Variants in AHRR observed in about 807,000 individuals in gnomAD.
AHRR encodes aryl hydrocarbon receptor repressor, also known as ahR repressor.
Under a neutral mutation model 44.0 loss-of-function variants are expected in AHRR, and 28 were observed. That is an observed-to-expected ratio of 0.64 (90% CI 0.47 to 0.87). The LOEUF (loss-of-function observed/expected upper bound fraction) is 0.87, where lower values mean the gene tolerates loss of function less well. AHRR is among the 40% of genes least tolerant of loss of function. The probability of loss-of-function intolerance (pLI) is 0.00; values close to 1 mark genes in which losing one functional copy is unlikely to be tolerated. For missense variants in AHRR, 990 were observed against 953.9 expected (o/e 1.04, Z -0.50); for synonymous variants, 434 against 407.0 (o/e 1.07, Z -0.80).
At chr5:353,226 G>A (rs141043850) in intron 2 of AHRR, among the ~76,000 whole-genome samples, 9 of 152,182 alleles carry the variant, frequency 5.9e-5, no homozygotes, top group Non-Finnish European at 8.8e-5. Context: ...AACCAAGCTC[G>A]GAGCGGCCTT....
Position 328,606 on chromosome 5 carries a change from T to C in AHRR, c.-11+6787T>C, listed in dbSNP as rs566276546. ...GTAAGATGATATCTCATTGTTGTTT[T>C]ATTTTGCATTTCTCTGATGATTAGT... On this transcript the variant is annotated intron_variant, in intron 1 of 10. Coordinates refer to ENST00000684583, the MANE Select transcript of AHRR (RefSeq NM_001377236.1). Among the ~76,000 whole-genome samples the C allele has an allele frequency of 2.6e-5, 4 of 152,304 alleles. 1 individual carries two copies. The highest frequency in any genetic ancestry group is 9.6e-5 in the African/African-American group (4 of 41,572).
rs924059885 is a variant in AHRR at position 406,260 on chromosome 5, G to A, written c.352-7084G>A. ...CTTCCAGCCAGTGGCTCTGTGAGCCGCCTCTTGTCTGCATTTCTTGCAGGA... is the reference window on the plus strand; with the variant it reads ...CTTCCAGCCAGTGGCTCTGTGAGCCACCTCTTGTCTGCATTTCTTGCAGGA... On this transcript the variant is annotated intron_variant, in intron 4 of 10. Transcript: ENST00000684583. The surrounding 1 kb of genome is among the most constrained non-coding windows in gnomAD (Gnocchi z 4.7). Among the ~76,000 whole-genome samples, 6 of 152,160 alleles carry A rather than the reference G, an allele frequency of 3.9e-5. No individual in the cohort carries two copies. Among genetic ancestry groups the A allele is most frequent in the Non-Finnish European group, 7.3e-5 (5 of 68,030 alleles).
intron 4 of AHRR, among the ~76,000 whole-genome samples, chr5:381,681 AC>A (rs1227999868): frequency 2.1e-4 from 29 of 138,146 alleles, no homozygotes; most frequent in South Asian, 4.7e-4. Context: ...TGCCCAGCTA[AC>A]TTTTTGTATT....
At chr5:428,834 C>T (rs1736586892) in intron 8 of AHRR, among the ~76,000 whole-genome samples, 1 of 152,234 alleles carries the variant, frequency 6.6e-6, no homozygotes, top group Admixed American at 6.5e-5. Flanking sequence ...GAGCTCGAAC[C>T]TAGGGCTCTC....
intron 4 of AHRR, among the ~76,000 whole-genome samples, chr5:402,661 C>T (rs571891561): frequency 1.3e-5 from 2 of 151,504 alleles, no homozygotes; most frequent in East Asian, 1.9e-4. Flanking sequence ...AACGCAGCAG[C>T]CCCCCTGCTG....
chr5:391,318 C>T (rs1021724952), intron 4 of AHRR, among the ~76,000 whole-genome samples: 6 of 144,022 alleles, frequency 4.2e-5, no homozygotes, highest in Admixed American at 2.7e-4. Context: ...TGGGCCAGAG[C>T]GTGCACGGGC....
intron 4 of AHRR, among the ~76,000 whole-genome samples, chr5:407,059 G>A (rs115921703): frequency 3.5e-4 from 53 of 152,252 alleles, no homozygotes; most frequent in South Asian, 6.2e-4. Context: ...CTGTTCATGC[G>A]CCATGATTTA....
intron 3 of AHRR, among the ~76,000 whole-genome samples, chr5:367,287 C>T (rs892876942): frequency 9.2e-5 from 14 of 152,164 alleles, no homozygotes; most frequent in African/African-American, 3.4e-4. Context: ...GGGCCCTCAG[C>T]GTAGCCAGAT....
chr5:406,423 G>T lies in AHRR; in HGVS notation c.352-6921G>T, dbSNP rs1735263360. Reference sequence around the variant, plus strand: ...CTGGGAGGCAAACATTTTTGTGTGAGCTAGCTACTCTGAACATAATCATAA... The same window carrying T: ...CTGGGAGGCAAACATTTTTGTGTGATCTAGCTACTCTGAACATAATCATAA... On this transcript the variant is annotated intron_variant, in intron 4 of 10. Coordinates refer to ENST00000684583, the MANE Select transcript of AHRR (RefSeq NM_001377236.1). This position sits in a 1 kb window ranked among gnomAD's most constrained non-coding sequence, Gnocchi z 4.7. Among the ~76,000 whole-genome samples, 1 of 152,230 alleles carries T rather than the reference G, an allele frequency of 6.6e-6. No homozygotes were observed. Among genetic ancestry groups the T allele is most frequent in the South Asian group, 2.1e-4 (1 of 4,836 alleles).
At chr5:350,130 A>C (rs1405238904) in intron 2 of AHRR, among the ~76,000 whole-genome samples, 1 of 152,214 alleles carries the variant, frequency 6.6e-6, no homozygotes, top group African/African-American at 2.4e-5. Context: ...TTTTAGAATC[A>C]GCTTGTCAAT....
At chr5:344,090 C>T in intron 2 of AHRR, 126 bp downstream of exon 2, 6 of 1,034,716 alleles carry the variant, frequency 5.8e-6, no homozygotes, top group Non-Finnish European at 6.8e-6. Context: ...CCGGGCGGGC[C>T]GGGGCTGAGC....
Position 432,518 on chromosome 5 carries a change from T to C in AHRR, c.964T>C (p.Ser322Pro). 1 of 1,614,044 alleles carries C rather than the reference T, an allele frequency of 6.2e-7. No individual in the cohort carries two copies. The highest frequency in any genetic ancestry group is 8.5e-7 in the Non-Finnish European group (1 of 1,179,888). Residue 322 changes from serine (S) to proline (P), a missense_variant, in exon 9 of 11, where the codon TCA becomes CCA. Physicochemically the swap from Ser to Pro is moderately conservative, Grantham distance 74. Transcript: ENST00000684583. ...GGAACTGCATGGAAAACCCAATTACTCAGCAGGTACTTAGAACATTTCTTA... is the reference window on the plus strand; with the variant it reads ...GGAACTGCATGGAAAACCCAATTACCCAGCAGGTACTTAGAACATTTCTTA... ...ESELHGKPNY[S>P]AGRSSRESGV...
In AHRR at chr5:434,831, A is replaced by G. The variant is rs1174399965; in HGVS notation, c.2091A>G (p.Pro697=). The G allele has an allele frequency of 1.7e-5, 27 of 1,544,312 alleles. No homozygotes were observed. Among genetic ancestry groups the G allele is most frequent in the Non-Finnish European group, 2.3e-5 (26 of 1,141,790 alleles). The change falls in exon 11 of 11, where the codon CCA becomes CCG. Residue 697 remains proline (P), a synonymous_variant. Transcript: ENST00000684583. Reference sequence around the variant, plus strand: ...AAGCTTCGGGGTGCACATTCCTGCCATAGCGCAGTGACCACCATCCAAGCT... The same window carrying G: ...AAGCTTCGGGGTGCACATTCCTGCCGTAGCGCAGTGACCACCATCCAAGCT... ...PPQASGCTFL[P] is the part of the protein sequence containing the mutation.
chr5:349,042 A>T (rs1742771250), intron 2 of AHRR, among the ~76,000 whole-genome samples: 2 of 152,154 alleles, frequency 1.3e-5, no homozygotes, highest in African/African-American at 2.4e-5. Flanking sequence ...CAGAGTTTTA[A>T]TGTGCATTTC....
chr5:324,888 G>T (rs6863730), intron 1 of AHRR, among the ~76,000 whole-genome samples: 24,469 of 152,142 alleles, frequency 0.16, 4,242 homozygotes, highest in African/African-American at 0.44. Context: ...GGATTTCCTC[G>T]GGGCCCCTCC....
In AHRR at chr5:343,911, G is replaced by A. The variant is rs201384135; in HGVS notation, c.9G>A (p.Pro3=). 1,282 of 1,600,732 alleles carry A rather than the reference G, an allele frequency of 8.0e-4. 18 individuals carry two copies. The East Asian group carries it at 0.023, about 29-fold the overall frequency. MI[P]PGECTYAGRK... ...CTTCCAGGCCGAGGACGATGATCCCGCCGGGGGAGTGCACGTACGCGGGCC... is the reference window on the plus strand; with the variant it reads ...CTTCCAGGCCGAGGACGATGATCCCACCGGGGGAGTGCACGTACGCGGGCC... Residue 3 remains proline, a synonymous_variant, in exon 2 of 11, where the codon CCG becomes CCA. Transcript: ENST00000684583.
rs375145627 is a variant in AHRR at position 422,731 on chromosome 5, G to T, written c.444G>T (p.Thr148=). 123 of 1,614,034 alleles carry T rather than the reference G, an allele frequency of 7.6e-5. No individual in the cohort carries two copies. Among genetic ancestry groups the T allele is most frequent in the Non-Finnish European group, 1.0e-4 (118 of 1,180,032 alleles). The change falls in exon 6 of 11, where the codon ACG becomes ACT. Residue 148 remains threonine (T), a splice_region_variant and synonymous_variant. Transcript: ENST00000684583. ...TIVDYLGFHQ[T]DVMHQNIYDY... is the part of the protein sequence containing the mutation. ...ATAATCTTGTTGCGCTATTTCAGAC[G>T]GATGTAATGCACCAGAACATTTATG...
At chr5:374,127 G>A (rs1320067486) in intron 3 of AHRR, among the ~76,000 whole-genome samples, 2 of 152,054 alleles carry the variant, frequency 1.3e-5, no homozygotes, top group African/African-American at 4.8e-5. Flanking sequence ...CTGGGTGGTC[G>A]GTCTGTGTGC....
intron 3 of AHRR, 89 bp downstream of exon 3, chr5:354,000 T>G (rs1271277191): frequency 1.4e-6 from 2 of 1,398,386 alleles, no homozygotes; most frequent in African/African-American, 2.9e-5. Flanking sequence ...AGGTGAAGTG[T>G]GTCTGGTGGG....
Sources: gnomAD v4.1 joint callset for allele counts (sites outside exome capture counted in the v4.1 genomes callset) on GRCh38, gnomAD v4.1.1 for gene constraint, Gnocchi (gnomAD v3.1) non-coding constraint, MANE v1.5 for transcripts, NCBI Gene and HGNC (gene_info 2026-07-23, HGNC 2026-07-21) for gene names.